Variants in RPS6KA5 observed in about 807,000 individuals in gnomAD.
RPS6KA5 encodes the protein ribosomal protein S6 kinase A5.
RPS6KA5 carries 27 observed loss-of-function variants against 85.5 expected under a neutral mutation model. That is an observed-to-expected ratio of 0.32 (90% CI 0.23 to 0.44). RPS6KA5 has a LOEUF of 0.44. Among genes scored for constraint, RPS6KA5 ranks in the 20% least tolerant of loss-of-function variants. The pLI, the probability that RPS6KA5 is intolerant of heterozygous loss-of-function variation, is 1.00. For synonymous variants in RPS6KA5, 334 were observed against 348.2 expected, an observed-to-expected ratio of 0.96 and a Z score of 0.46; for missense variants, 811 against 980.9, an observed-to-expected ratio of 0.83 and a Z score of 2.31.
chr14:91,041,059 TTTTTTTC>T (rs915083997), intron 1 of RPS6KA5, among the ~76,000 whole-genome samples: 1 of 152,166 alleles, frequency 6.6e-6, no homozygotes, highest in Non-Finnish European at 1.5e-5. Flanking sequence ...CAGAGAATTT[TTTTTTTC>T]TTTTTTCTTT....
rs1277586061 is a variant in RPS6KA5, at chr14:90,848,000, C to T, written c.*24074G>A. ...ACATAAAGCTTTCCGGTCAAATTCC[C>T]GAAACATGAAAACATCACATTTCTA... is the stretch of plus-strand genomic sequence containing the variant. On this transcript the variant is annotated 3_prime_UTR_variant, in exon 17 of 17. Coordinates refer to ENST00000614987, the MANE Select transcript of RPS6KA5 (RefSeq NM_004755.4). The T allele has an allele frequency of 6.6e-6, 1 of 152,260 alleles. No individual in the cohort carries two copies. The allele number at this position is 152,260 out of a possible 1,614,324, so 9.4% of individuals were successfully genotyped here.
At chr14:90,883,115 G>A (rs1352232755) in intron 14 of RPS6KA5, among the ~76,000 whole-genome samples, 2 of 152,046 alleles carry the variant, frequency 1.3e-5, no homozygotes, top group Non-Finnish European at 2.9e-5. Context: ...GTCTCTTTCA[G>A]TTAGTCTTAC....
At chr14:90,983,906 A>G (rs1286068) in intron 2 of RPS6KA5, among the ~76,000 whole-genome samples, 31,268 of 148,010 alleles carry the variant, frequency 0.21, 3,459 homozygotes, top group East Asian at 0.33. Flanking sequence ...GTGCAGTGGC[A>G]TGATCTTGGC....
chr14:90,908,743 T>C (rs985690724), intron 7 of RPS6KA5, among the ~76,000 whole-genome samples: 1 of 152,238 alleles, frequency 6.6e-6, no homozygotes, highest in African/African-American at 2.4e-5. Context: ...TTAAGATAAC[T>C]GGCGTGGCAG....
At chr14:91,033,113 G>C (rs893416407) in intron 1 of RPS6KA5, among the ~76,000 whole-genome samples, 3 of 151,714 alleles carry the variant, frequency 2.0e-5, no homozygotes, top group African/African-American at 7.3e-5. Context: ...CATGAACCTG[G>C]GAGGTGGAGC....
At chr14:90,960,784 A>G (rs1053545031) in intron 3 of RPS6KA5, among the ~76,000 whole-genome samples, 1 of 152,226 alleles carries the variant, frequency 6.6e-6, no homozygotes, top group Admixed American at 6.5e-5. Context: ...TTCTTCCACA[A>G]AAAATTGTAA....
In RPS6KA5 at chr14:90,864,336, C is replaced by T. The variant is rs1433016535; in HGVS notation, c.*7738G>A. On this transcript the variant is annotated 3_prime_UTR_variant, in exon 17 of 17. Transcript: ENST00000614987. ...TATACTTTTAGTAGAGATGGGGTTT[C>T]ACCATGTTGGCCAGGCTGGTCTCCA... The T allele has an allele frequency of 2.0e-5, 3 of 152,198 alleles. No homozygotes were observed. Among genetic ancestry groups the T allele is most frequent in the African/African-American group, 7.2e-5 (3 of 41,434 alleles). 9.4% of individuals were successfully genotyped at this position (152,198 alleles called of 1,614,324 possible).
chr14:90,987,940 A>G (rs866351159), intron 2 of RPS6KA5, among the ~76,000 whole-genome samples: 2 of 152,126 alleles, frequency 1.3e-5, no homozygotes, highest in East Asian at 1.9e-4. Flanking sequence ...ACAAGGTTCT[A>G]TGTTGTATGG....
At chr14:91,035,625 G>C (rs2042363398) in intron 1 of RPS6KA5, among the ~76,000 whole-genome samples, 1 of 151,740 alleles carries the variant, frequency 6.6e-6, no homozygotes, top group African/African-American at 2.4e-5. Context: ...AGGAAAAACA[G>C]AAAGGATCCA....
At position 90,848,712 on chromosome 14, in the gene RPS6KA5, G is replaced by A. The variant is rs1254793794; in HGVS notation, c.*23362C>T. On this transcript the variant is annotated 3_prime_UTR_variant, in exon 17 of 17. Transcript: ENST00000614987. ...ATAAAAATCTCATTACATGCCAGCT[G>A]AGTGACTTGCAAAGGTTTGCCCCAG... The A allele has an allele frequency of 6.6e-6, 1 of 152,164 alleles. No homozygotes were observed. Among genetic ancestry groups the A allele is most frequent in the African/African-American group, 2.4e-5 (1 of 41,444 alleles). The allele number at this position is 152,164 out of a possible 1,614,324, so 9.4% of individuals were successfully genotyped here. A position where few individuals can be genotyped will look rare whatever the true frequency, so the allele number is the denominator to read the frequency against.
chr14:91,010,997 C>T (rs994641157), intron 1 of RPS6KA5, among the ~76,000 whole-genome samples: 2 of 152,116 alleles, frequency 1.3e-5, no homozygotes, highest in African/African-American at 2.4e-5. Context: ...AGAAGCAGTA[C>T]CCTGGAGCAA....
intron 14 of RPS6KA5, among the ~76,000 whole-genome samples, chr14:90,876,520 C>A (rs1048205674): frequency 6.6e-6 from 1 of 152,184 alleles, no homozygotes; most frequent in African/African-American, 2.4e-5. Context: ...CAAGGCTTAT[C>A]TTTGTAGCAG....
At position 90,892,385 on chromosome 14, in the gene RPS6KA5, G is replaced by C. The variant is rs147669616; in HGVS notation, c.1645-1707C>G. Among the ~76,000 whole-genome samples, 647 of 152,214 alleles carry C rather than the reference G, an allele frequency of 4.3e-3. 5 individuals carry two copies. The highest frequency in any genetic ancestry group is 0.015 in the African/African-American group (626 of 41,538). On this transcript the variant is annotated intron_variant, in intron 13 of 16. Transcript: ENST00000614987. Reference sequence around the variant, plus strand: ...ACTTTAATCCATTCCTCCTATTCCGGAATATGTAAAATTGAGAAACACTGC... The same window carrying C: ...ACTTTAATCCATTCCTCCTATTCCGCAATATGTAAAATTGAGAAACACTGC...
At chr14:90,974,347 C>G (rs1212470799) in intron 3 of RPS6KA5, among the ~76,000 whole-genome samples, 2 of 152,164 alleles carry the variant, frequency 1.3e-5, no homozygotes, top group African/African-American at 4.8e-5. Flanking sequence ...ACTATAAGGA[C>G]ACAACCAAGT....
chr14:90,979,103 T>C (rs1468015684), intron 2 of RPS6KA5, among the ~76,000 whole-genome samples: 1 of 152,258 alleles, frequency 6.6e-6, no homozygotes, highest in Non-Finnish European at 1.5e-5. Flanking sequence ...TTTGTATCTC[T>C]GGGCAGTAAT....
intron 13 of RPS6KA5, chr14:90,894,210 T>C: frequency 8.2e-7 from 1 of 1,217,520 alleles, no homozygotes; most frequent in Non-Finnish European, 1.0e-6. Flanking sequence ...GATGATCAGC[T>C]GGCAAAAAAT....
chr14:91,019,230 TCAAA>T (rs747346180), intron 1 of RPS6KA5, among the ~76,000 whole-genome samples: 21 of 152,156 alleles, frequency 1.4e-4, no homozygotes, highest in African/African-American at 3.9e-4. Flanking sequence ...AGATATTTGG[TCAAA>T]CAAACACTAT....
chr14:90,914,965 A>G (rs746004482), intron 7 of RPS6KA5, among the ~76,000 whole-genome samples: 1 of 152,222 alleles, frequency 6.6e-6, no homozygotes, highest in Non-Finnish European at 1.5e-5. Context: ...CATATTGGGT[A>G]CAGAAATACC....
rs1237368392 is a variant in RPS6KA5 at position 90,865,727 on chromosome 14, G to A, written c.*6347C>T. 6.6e-6 allele frequency: 1 copy of A among 152,114 alleles called. No homozygotes were observed. The highest frequency in any genetic ancestry group is 1.5e-5 in the Non-Finnish European group (1 of 68,044). The allele number at this position is 152,114 out of a possible 1,614,324, so 9.4% of individuals were successfully genotyped here. A position where few individuals can be genotyped will look rare whatever the true frequency, so the allele number is the denominator to read the frequency against. The stretch of plus-strand genomic sequence containing the variant: ...AGCAGGAAAAGCTGGGGAAGGAGTG[G>A]GAAAACAGAGGAGAGAGCTATCACA... On this transcript the variant is annotated 3_prime_UTR_variant, in exon 17 of 17. Transcript: ENST00000614987.
Sources: gnomAD v4.1 joint callset for allele counts (sites outside exome capture counted in the v4.1 genomes callset) on GRCh38, gnomAD v4.1.1 for gene constraint, MANE v1.5 for transcripts, NCBI Gene and HGNC (gene_info 2026-07-23, HGNC 2026-07-21) for gene names.